Variants in ERBB4 observed in about 807,000 individuals in gnomAD.
The protein encoded by ERBB4 is erb-b2 receptor tyrosine kinase 4.
A neutral mutation model predicts 158.0 loss-of-function variants in ERBB4; 42 were observed. The ratio of observed to expected loss-of-function variants is 0.27; its 90% CI spans 0.21 to 0.34. The LOEUF is 0.34. ERBB4 is among the 10% of genes least tolerant of loss of function. The pLI is 1.00. For missense variants in ERBB4, 1,333 were observed against 1,624.1 expected, an observed-to-expected ratio of 0.82 and a Z score of 3.08; for synonymous variants, 583 against 558.7, an observed-to-expected ratio of 1.04 and a Z score of -0.61.
intron 1 of ERBB4, among the ~76,000 whole-genome samples, chr2:212,136,066 A>G (rs1339813369): frequency 1.3e-5 from 2 of 152,226 alleles, no homozygotes; most frequent in Non-Finnish European, 2.9e-5. Flanking sequence ...AATAAAAACC[A>G]GCCTGATTGT....
chr2:211,719,074 T>A (rs2074014336), intron 7 of ERBB4, among the ~76,000 whole-genome samples: 1 of 152,208 alleles, frequency 6.6e-6, no homozygotes, highest in Non-Finnish European at 1.5e-5. Flanking sequence ...CTCTTTTTGA[T>A]TTTATAAACT....
At chr2:211,520,613 T>G (rs2125637108) in intron 20 of ERBB4, among the ~76,000 whole-genome samples, 1 of 152,234 alleles carries the variant, frequency 6.6e-6, no homozygotes, top group South Asian at 2.1e-4. Context: ...AAAAAGTTTG[T>G]CAAACCTTGG....
chr2:212,060,420 G>C (rs146808630), intron 2 of ERBB4, among the ~76,000 whole-genome samples: 12,260 of 151,110 alleles, frequency 0.081, 698 homozygotes, highest in Non-Finnish European at 0.12. Context: ...CAAGGATCTA[G>C]AACTAGAAAT....
intron 3 of ERBB4, among the ~76,000 whole-genome samples, chr2:211,912,521 A>T (rs975571811): frequency 2.0e-5 from 3 of 152,210 alleles, no homozygotes; most frequent in Non-Finnish European, 4.4e-5. Context: ...CTTACAATAA[A>T]ACAAAAAAGA....
At chr2:212,359,473 T>G (rs1419385122) in intron 1 of ERBB4, among the ~76,000 whole-genome samples, 3 of 151,480 alleles carry the variant, frequency 2.0e-5, no homozygotes, top group Admixed American at 6.6e-5. Context: ...GCAGGTTTTG[T>G]TTTGGGCTAA....
intron 2 of ERBB4, among the ~76,000 whole-genome samples, chr2:212,088,390 A>G (rs1448319799): frequency 6.6e-6 from 1 of 152,184 alleles, no homozygotes; most frequent in Non-Finnish European, 1.5e-5. Context: ...GTGCTACTGG[A>G]AGAATTATTG....
rs868272341 is a variant in ERBB4, at chr2:212,266,503, A to G, written c.83-141600T>C. On this transcript the variant is annotated intron_variant, in intron 1 of 27. Transcript: ENST00000342788. ...AAGAGGCTTTCGATTTTTTTAAAGG[A>G]GAATCTCAAGGCAGTTACCTCCTGA... Among the ~76,000 whole-genome samples, 43 of 152,050 alleles carry G rather than the reference A, an allele frequency of 2.8e-4. 1 individual carries two copies. The highest frequency in any genetic ancestry group is 3.4e-3 in the Middle Eastern group (1 of 294).
chr2:211,902,769 TA>T (rs770637201), intron 3 of ERBB4, among the ~76,000 whole-genome samples: 1 of 151,802 alleles, frequency 6.6e-6, no homozygotes, highest in Non-Finnish European at 1.5e-5. Flanking sequence ...TTTTGAACTA[TA>T]AAAAATCATA....
intron 15 of ERBB4, 70 bp downstream of exon 15, chr2:211,665,253 T>C: frequency 6.9e-7 from 1 of 1,454,664 alleles, no homozygotes; most frequent in Non-Finnish European, 9.7e-7. Flanking sequence ...ATTTCAGAGA[T>C]GGTACCAGGG....
chr2:211,974,396 T>C (rs1024081882), intron 2 of ERBB4, among the ~76,000 whole-genome samples: 4 of 152,094 alleles, frequency 2.6e-5, no homozygotes, highest in Non-Finnish European at 4.4e-5. Flanking sequence ...GGAGGTGACA[T>C]GGAAGAATAA....
intron 2 of ERBB4, among the ~76,000 whole-genome samples, chr2:212,075,828 T>G (rs1187902192): frequency 6.6e-6 from 1 of 151,878 alleles, no homozygotes; most frequent in African/African-American, 2.4e-5. Context: ...AAAGTTCTCT[T>G]CACTTGAATA....
At chr2:212,297,011 G>A (rs558348487) in intron 1 of ERBB4, among the ~76,000 whole-genome samples, 2 of 151,838 alleles carry the variant, frequency 1.3e-5, no homozygotes, top group African/African-American at 4.8e-5. Flanking sequence ...TCCCTCCCAG[G>A]CTCATAACTC....
At chr2:212,189,257 A>G (rs965905232) in intron 1 of ERBB4, among the ~76,000 whole-genome samples, 2 of 152,102 alleles carry the variant, frequency 1.3e-5, no homozygotes, top group Admixed American at 6.6e-5. Flanking sequence ...GGATACTCAA[A>G]CTTTATTTGA....
intron 2 of ERBB4, among the ~76,000 whole-genome samples, chr2:212,006,877 T>C (rs1468700041): frequency 6.6e-6 from 1 of 152,066 alleles, no homozygotes; most frequent in Non-Finnish European, 1.5e-5. Context: ...GGACATCCCT[T>C]TACATTTTAA....
intron 19 of ERBB4, among the ~76,000 whole-genome samples, chr2:211,600,626 C>T (rs1333746822): frequency 6.6e-6 from 1 of 152,016 alleles, no homozygotes; most frequent in Non-Finnish European, 1.5e-5. Flanking sequence ...ACCAGGTGTA[C>T]CAGGTGACTA....
chr2:211,732,279 C>T (rs866794857), intron 5 of ERBB4, among the ~76,000 whole-genome samples: 1 of 151,762 alleles, frequency 6.6e-6, no homozygotes, highest in South Asian at 2.1e-4. Flanking sequence ...AATAATTTTG[C>T]ACTTTAAGGA....
At chr2:211,806,129 A>T (rs1404170070) in intron 3 of ERBB4, among the ~76,000 whole-genome samples, 2 of 152,172 alleles carry the variant, frequency 1.3e-5, no homozygotes, top group Non-Finnish European at 2.9e-5. Flanking sequence ...AAAAGATTTT[A>T]AAACAAAATA....
At chr2:212,295,321 C>CA (rs1406609226) in intron 1 of ERBB4, among the ~76,000 whole-genome samples, 8 of 151,920 alleles carry the variant, frequency 5.3e-5, no homozygotes, top group African/African-American at 1.9e-4. Flanking sequence ...CACAAAACCA[C>CA]AAAAAATGAA....
At chr2:212,205,058 T>C (rs2082705015) in intron 1 of ERBB4, among the ~76,000 whole-genome samples, 1 of 151,978 alleles carries the variant, frequency 6.6e-6, no homozygotes, top group East Asian at 1.9e-4. Flanking sequence ...CCTCAGGTGA[T>C]CAACCCGCCT....
Sources: gnomAD v4.1 joint callset for allele counts (sites outside exome capture counted in the v4.1 genomes callset) on GRCh38, gnomAD v4.1.1 for gene constraint, MANE v1.5 for transcripts, NCBI Gene and HGNC (gene_info 2026-07-23, HGNC 2026-07-21) for gene names.